Variants in SLC30A8 observed in about 807,000 individuals in gnomAD.
The protein encoded by SLC30A8 is proton-coupled zinc antiporter SLC30A8.
Under a neutral mutation model 36.9 loss-of-function variants are expected in SLC30A8, and 27 were observed. The ratio of observed to expected loss-of-function variants is 0.73; its 90% CI spans 0.54 to 1.01. The LOEUF is 1.01. Ranked by LOEUF, SLC30A8 falls within the 50% of genes least tolerant of loss-of-function variation. SLC30A8 has a pLI of 0.00. For synonymous variants in SLC30A8, 164 were observed against 172.4 expected, an observed-to-expected ratio of 0.95 and a Z score of 0.38; for missense variants, 439 against 452.0, an observed-to-expected ratio of 0.97 and a Z score of 0.26.
At chr8:117,019,002 T>TA (rs556942482) in intron 1 of SLC30A8, among the ~76,000 whole-genome samples, 4 of 152,280 alleles carry the variant, frequency 2.6e-5, no homozygotes, top group African/African-American at 9.6e-5. Flanking sequence ...AAGCATTTTT[T>TA]AAAAAATTTT....
intron 3 of SLC30A8, among the ~76,000 whole-genome samples, chr8:117,154,152 A>C (rs118156845): frequency 1.3e-5 from 2 of 152,120 alleles, no homozygotes; most frequent in African/African-American, 4.8e-5. Context: ...ACATAGGTCA[A>C]CGTGTGCCGT....
intron 1 of SLC30A8, among the ~76,000 whole-genome samples, chr8:117,010,749 C>T (rs1816316539): frequency 6.6e-6 from 1 of 152,062 alleles, no homozygotes; most frequent in Admixed American, 6.6e-5. Flanking sequence ...CTGGGGAGGC[C>T]CCGGGAAGCT....
At chr8:117,108,081 G>C (rs145285882) in intron 2 of SLC30A8, among the ~76,000 whole-genome samples, 1 of 151,968 alleles carries the variant, frequency 6.6e-6, no homozygotes, top group Non-Finnish European at 1.5e-5. Flanking sequence ...ATCTTATTTC[G>C]ATGAGTAAAT....
At chr8:117,037,334 A>T (rs1442484206) in intron 1 of SLC30A8, among the ~76,000 whole-genome samples, 1 of 152,158 alleles carries the variant, frequency 6.6e-6, no homozygotes, top group African/African-American at 2.4e-5. Context: ...CAGATTTCCC[A>T]TACTGTCAGC....
At chr8:117,059,014 A>G (rs1367950361) in intron 2 of SLC30A8, among the ~76,000 whole-genome samples, 1 of 142,170 alleles carries the variant, frequency 7.0e-6, no homozygotes, top group Non-Finnish European at 1.5e-5. Context: ...AAAGTTCACA[A>G]AATGTGTGAC....
At chr8:117,169,984 T>C (rs954518367) in intron 6 of SLC30A8, among the ~76,000 whole-genome samples, 1 of 152,144 alleles carries the variant, frequency 6.6e-6, no homozygotes, top group Admixed American at 6.6e-5. Flanking sequence ...TGGGGCTGGC[T>C]TTGGTATTTT....
chr8:117,024,964 C>G (rs1479132183), intron 1 of SLC30A8, among the ~76,000 whole-genome samples: 1 of 152,086 alleles, frequency 6.6e-6, no homozygotes, highest in Non-Finnish European at 1.5e-5. Context: ...TCTCTCTTTC[C>G]CCATCCCTTA....
At chr8:117,141,701 G>T (rs1821662019) in intron 1 of SLC30A8, among the ~76,000 whole-genome samples, 1 of 152,120 alleles carries the variant, frequency 6.6e-6, no homozygotes, top group African/African-American at 2.4e-5. Context: ...TATGGTGAAA[G>T]CCTGAAAACT....
chr8:117,060,284 A>AAAGCAAGC (rs928978844), intron 2 of SLC30A8, among the ~76,000 whole-genome samples: 3 of 152,140 alleles, frequency 2.0e-5, no homozygotes, highest in Non-Finnish European at 2.9e-5. Flanking sequence ...TCAGATGCCA[A>AAAGCAAGC]AAGCAAGCAA....
intron 1 of SLC30A8, among the ~76,000 whole-genome samples, chr8:116,953,305 C>A (rs1814063504): frequency 6.6e-6 from 1 of 152,070 alleles, no homozygotes; most frequent in Admixed American, 6.6e-5. Flanking sequence ...TTCCATTTGA[C>A]AAAGGAGAAT....
chr8:116,971,112 A>G (rs1308755070), intron 1 of SLC30A8, among the ~76,000 whole-genome samples: 1 of 152,140 alleles, frequency 6.6e-6, no homozygotes, highest in East Asian at 1.9e-4. Flanking sequence ...AACAACAACA[A>G]CAACACACAC....
rs977771496 is a variant in SLC30A8, at chr8:117,097,963, TTAAA to T, written c.-225-37309_-225-37306del. 1.2e-3 allele frequency among the ~76,000 whole-genome samples: 140 copies of T among 120,244 alleles called. 4 individuals carry two copies. The East Asian group carries it at 0.029, about 25-fold the overall frequency. 78.9% of individuals were successfully genotyped at this position (120,244 alleles called of 152,430 possible). A position where few individuals can be genotyped will look rare whatever the true frequency, so the allele number is the denominator to read the frequency against. Reference sequence around the variant, plus strand: ...TAATATATAATTTTAAATAAATATATTAAATAAATAATAAATTTAATAAATTTAA... The same window carrying T: ...TAATATATAATTTTAAATAAATATATTAAATAATAAATTTAATAAATTTAA... On this transcript the variant is annotated intron_variant, in intron 2 of 10. Transcript: ENST00000427715.
intron 3 of SLC30A8, among the ~76,000 whole-genome samples, chr8:117,153,618 G>A (rs951803947): frequency 2.0e-5 from 3 of 151,436 alleles, no homozygotes; most frequent in Non-Finnish European, 4.4e-5. Flanking sequence ...AGGAGGAGAA[G>A]GAAGAGGAGA....
intron 1 of SLC30A8, among the ~76,000 whole-genome samples, chr8:117,018,800 C>T (rs1286599700): frequency 2.6e-5 from 4 of 151,626 alleles, no homozygotes; most frequent in Admixed American, 1.3e-4. Flanking sequence ...CCTGGGACTA[C>T]AGGGGCCTGC....
chr8:117,136,771 C>T (rs531325148), intron 1 of SLC30A8, among the ~76,000 whole-genome samples: 17 of 152,004 alleles, frequency 1.1e-4, no homozygotes, highest in African/African-American at 4.1e-4. Context: ...CAATATTTCC[C>T]TTCTTATTAA....
intron 1 of SLC30A8, among the ~76,000 whole-genome samples, chr8:116,964,482 G>A (rs1046094963): frequency 6.6e-6 from 1 of 152,134 alleles, no homozygotes; most frequent in African/African-American, 2.4e-5. Context: ...AATTAAGGGG[G>A]GCAGCCAGCT....
Position 117,163,536 on chromosome 8 carries a change from A to T in SLC30A8, c.829+6A>T. 3 of 1,599,966 alleles carry T rather than the reference A, an allele frequency of 1.9e-6. No homozygotes were observed. The highest frequency in any genetic ancestry group is 2.6e-6 in the Non-Finnish European group (3 of 1,169,580). On this transcript the variant is annotated splice_donor_region_variant and intron_variant, in intron 6 of 7. Transcript: ENST00000456015. ...CTCCATCTTACTCATGGAAGGTAGG[A>T]GTGATTTTATTATTACTCCCAGAGT...
At chr8:117,123,571 A>G (rs115128149) in intron 2 of SLC30A8, among the ~76,000 whole-genome samples, 1,992 of 152,160 alleles carry the variant, frequency 0.013, 43 homozygotes, top group African/African-American at 0.045. Flanking sequence ...AATGTAAAGC[A>G]ATATTTGATT....
intron 1 of SLC30A8, among the ~76,000 whole-genome samples, chr8:117,143,858 C>T (rs559799775): frequency 6.6e-6 from 1 of 152,064 alleles, no homozygotes; most frequent in Non-Finnish European, 1.5e-5. Context: ...GTAAAAATTG[C>T]CCACATTTTC....
Sources: gnomAD v4.1 joint callset for allele counts (sites outside exome capture counted in the v4.1 genomes callset) on GRCh38, gnomAD v4.1.1 for gene constraint, MANE v1.5 for transcripts, NCBI Gene and HGNC (gene_info 2026-07-23, HGNC 2026-07-21) for gene names.